Variants in ARHGAP44 observed in about 807,000 individuals in gnomAD.
The protein encoded by ARHGAP44 is rho GTPase-activating protein 44.
ARHGAP44 carries 43 observed loss-of-function variants against 106.8 expected under a neutral mutation model. The observed-to-expected ratio is 0.40, with a 90% CI of 0.32 to 0.52. The LOEUF (loss-of-function observed/expected upper bound fraction) is 0.52. Among genes scored for constraint, ARHGAP44 ranks in the 20% least tolerant of loss-of-function variants. The probability of loss-of-function intolerance (pLI) is 0.48; values close to 1 mark genes in which losing one functional copy is unlikely to be tolerated. For missense variants in ARHGAP44, 866 were observed against 1,050.5 expected (o/e 0.82, Z 2.43); for synonymous variants, 439 against 410.3 (o/e 1.07, Z -0.85).
At chr17:12,860,046 T>C (rs75542226) in intron 1 of ARHGAP44, among the ~76,000 whole-genome samples, 3,749 of 152,194 alleles carry the variant, frequency 0.025, 153 homozygotes, top group African/African-American at 0.085. Context: ...AAAAGCAGAC[T>C]CCTGGAGGGC....
At chr17:12,841,947 A>G (rs2035421369) in intron 1 of ARHGAP44, among the ~76,000 whole-genome samples, 2 of 152,168 alleles carry the variant, frequency 1.3e-5, no homozygotes, top group Non-Finnish European at 1.5e-5. Flanking sequence ...GGAATAGTAT[A>G]TACAAAGCCA....
chr17:12,927,085 A>AT (rs904991948), intron 6 of ARHGAP44, among the ~76,000 whole-genome samples: 21 of 151,228 alleles, frequency 1.4e-4, no homozygotes, highest in Admixed American at 2.0e-4. Flanking sequence ...TTGATCTGTT[A>AT]TTTTTTTTTC....
chr17:12,910,389 C>T (rs1320644481), intron 4 of ARHGAP44, among the ~76,000 whole-genome samples: 1 of 143,522 alleles, frequency 7.0e-6, no homozygotes, highest in Non-Finnish European at 1.5e-5. Context: ...GTAGTACATA[C>T]ACATGGAAGA....
intron 7 of ARHGAP44, among the ~76,000 whole-genome samples, chr17:12,932,190 C>T (rs1472391511): frequency 6.6e-6 from 1 of 152,088 alleles, no homozygotes; most frequent in Non-Finnish European, 1.5e-5. Flanking sequence ...GCATGTTGCT[C>T]CTATTTTCAA....
At chr17:12,843,712 A>G (rs904774437) in intron 1 of ARHGAP44, among the ~76,000 whole-genome samples, 1 of 142,114 alleles carries the variant, frequency 7.0e-6, no homozygotes, top group African/African-American at 2.8e-5. Context: ...CTGGAGTGCA[A>G]TGGCGTGATC....
At chr17:12,936,161 TG>T in intron 7 of ARHGAP44, among the ~76,000 whole-genome samples, 1 of 152,142 alleles carries the variant, frequency 6.6e-6, no homozygotes, top group South Asian at 2.1e-4. Context: ...ACACACACAG[TG>T]GTAGAGTCTG....
chr17:12,872,235 C>T (rs1032444405), intron 1 of ARHGAP44, among the ~76,000 whole-genome samples: 6 of 152,104 alleles, frequency 3.9e-5, no homozygotes, highest in Non-Finnish European at 7.4e-5. Flanking sequence ...AATCATATGC[C>T]TTCATACCTT....
In ARHGAP44 at chr17:12,949,709, A is replaced by G; in HGVS notation, c.1034A>G (p.Asp345Gly). 6.2e-7 allele frequency: 1 copy of G among 1,613,550 alleles called. No homozygotes were observed. Among genetic ancestry groups the G allele is most frequent in the African/African-American group, 1.3e-5 (1 of 74,942 alleles). ...PEPLMTFELY[D>G]EWIQASNVQE... is the part of the protein sequence containing the mutation. ...CCTCTTATGACCTTTGAACTCTATG[A>G]TGAGTGGATCCAGGCTTCCAAGTGA... is the stretch of plus-strand genomic sequence containing the variant. The change falls in exon 12 of 21, where the codon GAT becomes GGT. Residue 345 changes from aspartate to glycine, a missense_variant. Asp to Gly is a moderately conservative substitution (Grantham distance 94). Transcript: ENST00000379672. The surrounding 1 kb of genome is among the most constrained non-coding windows in gnomAD (Gnocchi z 4.1).
At chr17:12,976,410 C>T (rs1050260366) in intron 18 of ARHGAP44, among the ~76,000 whole-genome samples, 23 of 151,864 alleles carry the variant, frequency 1.5e-4, no homozygotes, top group Non-Finnish European at 2.6e-4. Flanking sequence ...GTCAGGAGCT[C>T]GTGACCAGCC....
In ARHGAP44 at chr17:12,789,755, C is replaced by CGCGGGAGCCATGTAACCCTGCG; in HGVS notation, c.-78_-57dup. On this transcript the variant is annotated 5_prime_UTR_variant, in exon 1 of 21. The change creates a new upstream start codon in the 5' untranslated region. Transcript: ENST00000379672. Reference sequence around the variant, plus strand: ...CGCCGCCGTCGCCCGGGAGGCTCCGCGCGGGAGCCATGTAACCCTGCGGCG... The same window carrying CGCGGGAGCCATGTAACCCTGCG: ...CGCCGCCGTCGCCCGGGAGGCTCCGCGCGGGAGCCATGTAACCCTGCGGCGGGAGCCATGTAACCCTGCGGCG... 1 of 1,259,328 alleles carries CGCGGGAGCCATGTAACCCTGCG rather than the reference C, an allele frequency of 7.9e-7. No homozygotes were observed. Among genetic ancestry groups the CGCGGGAGCCATGTAACCCTGCG allele is most frequent in the East Asian group, 3.2e-5 (1 of 31,394 alleles). 78.0% of individuals were successfully genotyped at this position (1,259,328 alleles called of 1,614,324 possible). A position where few individuals can be genotyped will look rare whatever the true frequency, so the allele number is the denominator to read the frequency against.
intron 1 of ARHGAP44, among the ~76,000 whole-genome samples, chr17:12,844,851 A>G (rs917717942): frequency 3.2e-5 from 4 of 124,302 alleles, no homozygotes; most frequent in Non-Finnish European, 6.0e-5. Flanking sequence ...GCCAGGCTTT[A>G]TGGTTATCTG....
intron 1 of ARHGAP44, among the ~76,000 whole-genome samples, chr17:12,826,632 C>A (rs1053047573): frequency 6.6e-6 from 1 of 152,178 alleles, no homozygotes; most frequent in Admixed American, 6.5e-5. Context: ...TCATCCTGGC[C>A]CTGTGTCCAG....
intron 3 of ARHGAP44, among the ~76,000 whole-genome samples, chr17:12,905,421 G>C (rs2037519190): frequency 6.6e-6 from 1 of 152,126 alleles, no homozygotes; most frequent in Non-Finnish European, 1.5e-5. Flanking sequence ...CAGCCCTATA[G>C]CTTCAAACTG....
chr17:12,836,778 A>T (rs2035250707), intron 1 of ARHGAP44, among the ~76,000 whole-genome samples: 1 of 152,208 alleles, frequency 6.6e-6, no homozygotes, highest in Non-Finnish European at 1.5e-5. Context: ...TACATGAAGA[A>T]AAAAGTGATA....
intron 2 of ARHGAP44, 33 bp from the exon 3 acceptor site, chr17:12,896,374 T>TTGAG: frequency 6.4e-7 from 1 of 1,555,080 alleles, no homozygotes. Flanking sequence ...CCTTGCCCTC[T>TTGAG]CTCAGTGGCA....
At chr17:12,966,709 G>A (rs1033888941) in intron 16 of ARHGAP44, among the ~76,000 whole-genome samples, 2 of 152,206 alleles carry the variant, frequency 1.3e-5, no homozygotes, top group Non-Finnish European at 2.9e-5. Flanking sequence ...AGGTTTCCCT[G>A]CCCCCTCTTT....
chr17:12,944,075 G>C lies in ARHGAP44; in HGVS notation c.740G>C (p.Trp247Ser). The C allele has an allele frequency of 6.2e-7, 1 of 1,610,612 alleles. No homozygotes were observed. The highest frequency in any genetic ancestry group is 8.5e-7 in the Non-Finnish European group (1 of 1,178,116). The change falls in exon 10 of 21, where the codon TGG becomes TCG. Residue 247 changes from tryptophan to serine, a missense_variant. Trp to Ser is a radical substitution (Grantham distance 177). Around this residue, in one of 2 missense-constraint regions of ARHGAP44, gnomAD observed 448 missense variants for 646.9 expected, o/e 0.69. Coordinates refer to ENST00000379672, the MANE Select transcript of ARHGAP44 (RefSeq NM_014859.6). Reference protein sequence around the residue: ...LPQIKAQQEAWVEKPSFGKPL... With the variant: ...LPQIKAQQEASVEKPSFGKPL... Reference sequence around the variant, plus strand: ...TTCTCACTCCTCCCCTCAGAGGCCTGGGTAGAGAAGCCTTCCTTCGGGAAG... The same window carrying C: ...TTCTCACTCCTCCCCTCAGAGGCCTCGGTAGAGAAGCCTTCCTTCGGGAAG...
chr17:12,944,722 C>A (rs931258763), intron 10 of ARHGAP44, among the ~76,000 whole-genome samples: 2 of 151,312 alleles, frequency 1.3e-5, no homozygotes, highest in Admixed American at 6.6e-5. Context: ...ATCCCTTGAC[C>A]TTGTGATCCA....
In ARHGAP44 at chr17:12,991,300, A is replaced by G. The variant is rs1459204059; in HGVS notation, c.*1129A>G. 2 of 152,736 alleles carry G rather than the reference A, an allele frequency of 1.3e-5. No individual in the cohort carries two copies. The allele number at this position is 152,736 out of a possible 1,614,324, so 9.5% of individuals were successfully genotyped here. A position where few individuals can be genotyped will look rare whatever the true frequency, so the allele number is the denominator to read the frequency against. ...GTTTAAAATTTTATCCTTTTCAAAT[A>G]GATGATATAATATACCTATACATGA... On this transcript the variant is annotated 3_prime_UTR_variant, in exon 21 of 21. Transcript: ENST00000379672.
Sources: gnomAD v4.1 joint callset for allele counts (sites outside exome capture counted in the v4.1 genomes callset) on GRCh38, gnomAD v4.1.1 for gene constraint, gnomAD v4.1.1 regional missense constraint, Gnocchi (gnomAD v3.1) non-coding constraint, MANE v1.5 for transcripts, NCBI Gene and HGNC (gene_info 2026-07-23, HGNC 2026-07-21) for gene names.